Variants in ATP8A2 observed in about 807,000 individuals in gnomAD.
The protein encoded by ATP8A2 is phospholipid-transporting ATPase IB.
In ATP8A2, 100 loss-of-function variants were observed where a neutral mutation model predicts 165.6. The observed-to-expected ratio is 0.60, with a 90% CI of 0.51 to 0.71. ATP8A2 has a LOEUF of 0.71. Among genes scored for constraint, ATP8A2 ranks in the 30% least tolerant of loss-of-function variants. The pLI, the probability that ATP8A2 is intolerant of heterozygous loss-of-function variation, is 0.00. For synonymous variants in ATP8A2, 543 were observed against 548.8 expected, an observed-to-expected ratio of 0.99 and a Z score of 0.15; for missense variants, 1,227 against 1,479.5, an observed-to-expected ratio of 0.83 and a Z score of 2.80.
At chr13:25,860,513 T>C (rs1952316152) in intron 31 of ATP8A2, among the ~76,000 whole-genome samples, 1 of 152,140 alleles carries the variant, frequency 6.6e-6, no homozygotes. Context: ...TACACCTACC[T>C]GCAAAGGAAA....
At chr13:25,522,912 T>C (rs556128268) in intron 2 of ATP8A2, among the ~76,000 whole-genome samples, 1 of 152,170 alleles carries the variant, frequency 6.6e-6, no homozygotes, top group African/African-American at 2.4e-5. Context: ...TCACTTGAGA[T>C]CAGGAGTTCA....
intron 33 of ATP8A2, among the ~76,000 whole-genome samples, chr13:25,938,641 C>T (rs1202727579): frequency 6.6e-6 from 1 of 152,134 alleles, no homozygotes; most frequent in African/African-American, 2.4e-5. Context: ...CCAGGAGCCT[C>T]TAGGCCCAAG....
intron 30 of ATP8A2, among the ~76,000 whole-genome samples, chr13:25,845,221 G>A (rs1219849390): frequency 6.6e-6 from 1 of 152,284 alleles, no homozygotes; most frequent in Non-Finnish European, 1.5e-5. Flanking sequence ...CCTTCACAGG[G>A]ACCCAAGTCC....
chr13:25,571,782 T>C, intron 18 of ATP8A2, 90 bp downstream of exon 18: 1 of 1,121,788 alleles, frequency 8.9e-7, no homozygotes, highest in Non-Finnish European at 1.4e-6. Context: ...ATATGATAGC[T>C]AAATTTCTCT....
intron 1 of ATP8A2, among the ~76,000 whole-genome samples, chr13:25,395,422 A>G: frequency 6.6e-6 from 1 of 152,240 alleles, no homozygotes; most frequent in East Asian, 1.9e-4. Flanking sequence ...AAGTTTGCTG[A>G]AAAAATCTAC....
chr13:25,382,982 C>G (rs1440426681), intron 1 of ATP8A2, among the ~76,000 whole-genome samples: 2 of 151,294 alleles, frequency 1.3e-5, no homozygotes, highest in Non-Finnish European at 2.9e-5. Flanking sequence ...GTCTCCATCT[C>G]CTGACTTCGT....
rs537358851 is a variant in ATP8A2 at position 26,025,554 on chromosome 13, G to A, written c.*5569G>A. The A allele has an allele frequency of 1.0e-4, 16 of 152,430 alleles. No homozygotes were observed. Among genetic ancestry groups the A allele is most frequent in the South Asian group, 1.0e-3 (5 of 4,826 alleles). The allele number at this position is 152,430 out of a possible 1,614,324, so 9.4% of individuals were successfully genotyped here. A position where few individuals can be genotyped will look rare whatever the true frequency, so the allele number is the denominator to read the frequency against. ...GATGCAGAGGGAAGCAGGGCTGTGG[G>A]GGCACGTTTAATTGGCTCCCAGCAG... On this transcript the variant is annotated 3_prime_UTR_variant, in exon 37 of 37. Transcript: ENST00000381655.
intron 6 of ATP8A2, 32 bp from the exon 7 acceptor site, chr13:25,537,956 G>C (rs202168200): frequency 1.3e-6 from 2 of 1,485,944 alleles, no homozygotes; most frequent in South Asian, 1.2e-5. Context: ...CTTTTCTTTC[G>C]TGCCCCTCTG....
At chr13:25,832,490 A>C (rs1951504780) in intron 28 of ATP8A2, among the ~76,000 whole-genome samples, 1 of 152,232 alleles carries the variant, frequency 6.6e-6, no homozygotes, top group Non-Finnish European at 1.5e-5. Flanking sequence ...GTCCAATAAT[A>C]TATTAAAAGA....
chr13:25,771,716 T>G (rs1254704669), intron 26 of ATP8A2, among the ~76,000 whole-genome samples: 1 of 152,178 alleles, frequency 6.6e-6, no homozygotes, highest in African/African-American at 2.4e-5. Flanking sequence ...TGCACCCTCA[T>G]TTCTCCTGTC....
chr13:25,945,684 T>C (rs1172529090), intron 33 of ATP8A2, among the ~76,000 whole-genome samples: 2 of 152,152 alleles, frequency 1.3e-5, no homozygotes, highest in Non-Finnish European at 2.9e-5. Context: ...CTGCTAAATT[T>C]CAGTTGCAGT....
rs574917120 is a variant in ATP8A2 at position 25,719,126 on chromosome 13, G to A, written c.2384+19781G>A. ...ACTTAGATCCTGTGAATCCATCTCC[G>A]TGTCGGAAACTTCCGTGATCCGGCT... is the stretch of plus-strand genomic sequence containing the variant. On this transcript the variant is annotated intron_variant, in intron 25 of 36. Coordinates refer to ENST00000381655, the MANE Select transcript of ATP8A2 (RefSeq NM_016529.6). 1.6e-4 allele frequency among the ~76,000 whole-genome samples: 24 copies of A among 152,278 alleles called. 1 individual carries two copies. The highest frequency in any genetic ancestry group is 1.5e-3 in the South Asian group (7 of 4,826).
At chr13:25,755,805 G>A (rs1349693045) in intron 25 of ATP8A2, among the ~76,000 whole-genome samples, 1 of 152,080 alleles carries the variant, frequency 6.6e-6, no homozygotes, top group Non-Finnish European at 1.5e-5. Context: ...TACTTGGGAG[G>A]CTGATGTAGG....
In ATP8A2 at chr13:25,553,994, C is replaced by G. The variant is rs907948941; in HGVS notation, c.1185+74C>G. On this transcript the variant is annotated intron_variant, in intron 12 of 36. Coordinates refer to ENST00000381655, the MANE Select transcript of ATP8A2 (RefSeq NM_016529.6). ...AGCCTTTGGCATTTAATTGAGCACT[C>G]AAAAAAGAAGAACTATATTCATTTA... The G allele has an allele frequency of 3.5e-6, 5 of 1,443,156 alleles. No homozygotes were observed. In the African/African-American group the frequency reaches 7.1e-5, roughly 21 times the overall value. 89.4% of individuals were successfully genotyped at this position (1,443,156 alleles called of 1,614,324 possible). A position where few individuals can be genotyped will look rare whatever the true frequency, so the allele number is the denominator to read the frequency against.
At chr13:25,733,759 A>G (rs2043706569) in intron 25 of ATP8A2, among the ~76,000 whole-genome samples, 1 of 152,190 alleles carries the variant, frequency 6.6e-6, no homozygotes. Flanking sequence ...TGGTCTCAAG[A>G]AGTATCTTGA....
Position 25,961,682 on chromosome 13 carries a change from C to A in ATP8A2, c.3272+19C>A. The A allele has an allele frequency of 6.3e-7, 1 of 1,578,132 alleles. No individual in the cohort carries two copies. The highest frequency in any genetic ancestry group is 8.7e-7 in the Non-Finnish European group (1 of 1,147,380). On this transcript the variant is annotated intron_variant, in intron 34 of 36. Transcript: ENST00000381655. ...GGAGAGCGTAAGTTTAACAGTGAAG[C>A]GGGGACCCTAAGTCTGGCTCATCTG...
chr13:25,980,904 G>A (rs1166394406), intron 35 of ATP8A2, among the ~76,000 whole-genome samples: 3 of 152,042 alleles, frequency 2.0e-5, no homozygotes, highest in Non-Finnish European at 4.4e-5. Context: ...AAAAAGTTAA[G>A]TGAAACCTCA....
intron 33 of ATP8A2, among the ~76,000 whole-genome samples, chr13:25,949,270 G>A (rs1463348847): frequency 6.6e-6 from 1 of 152,220 alleles, no homozygotes; most frequent in African/African-American, 2.4e-5. Flanking sequence ...GATGCCAGCG[G>A]GCCATTGCAG....
At chr13:25,460,317 A>G (rs2035471793) in intron 1 of ATP8A2, among the ~76,000 whole-genome samples, 1 of 152,242 alleles carries the variant, frequency 6.6e-6, no homozygotes, top group African/African-American at 2.4e-5. Context: ...GTTCATGCAT[A>G]TCGAATCAGC....
Sources: allele counts gnomAD v4.1 joint callset (sites outside exome capture counted in the v4.1 genomes callset), GRCh38; gene constraint gnomAD v4.1.1; transcripts MANE v1.5; gene names NCBI Gene and HGNC (gene_info 2026-07-23, HGNC 2026-07-21).